The following BMPR1A variants were observed in gnomAD, a reference collection of about 807,000 sequenced individuals.
BMPR1A encodes the protein bone morphogenetic protein receptor type-1A.
Under a neutral mutation model 66.0 loss-of-function variants are expected in BMPR1A, and 7 were observed. The observed-to-expected ratio is 0.11, with a 90% CI of 0.06 to 0.20. The LOEUF (loss-of-function observed/expected upper bound fraction) is 0.20, where lower values mean the gene tolerates loss of function less well. BMPR1A is among the 10% of genes least tolerant of loss of function. The pLI is 1.00. For missense variants in BMPR1A, 408 were observed against 669.1 expected, an observed-to-expected ratio of 0.61 and a Z score of 4.31; for synonymous variants, 200 against 229.7, an observed-to-expected ratio of 0.87 and a Z score of 1.17.
chr10:86,790,235 A>ATATATATC (rs1841595462), intron 1 of BMPR1A, among the ~76,000 whole-genome samples: 1 of 87,766 alleles, frequency 1.1e-5, no homozygotes. Flanking sequence ...ATATATATAT[A>ATATATATC]TCAAAACCAC....
chr10:86,804,792 G>GTTTTTTTTTTTTTTTTTTTTTTTTT (rs5786747), intron 1 of BMPR1A, among the ~76,000 whole-genome samples: 62 of 57,262 alleles, frequency 1.1e-3, no homozygotes, highest in South Asian at 1.5e-3. Context: ...GTTTGTAGGT[G>GTTTTTTTTTTTTTTTTTTTTTTTTT]TTTTTTTTTT....
intron 1 of BMPR1A, among the ~76,000 whole-genome samples, chr10:86,808,401 C>T (rs182691855): frequency 1.2e-4 from 18 of 152,156 alleles, no homozygotes; most frequent in African/African-American, 4.3e-4. Flanking sequence ...ATCATTGATA[C>T]TATTATATTT....
At chr10:86,779,402 C>T (rs1168083682) in intron 1 of BMPR1A, among the ~76,000 whole-genome samples, 1 of 152,108 alleles carries the variant, frequency 6.6e-6, no homozygotes, top group Admixed American at 6.5e-5. Flanking sequence ...GCACTTGTTA[C>T]TTTTTAAATT....
At chr10:86,759,693 A>G (rs1286128661) in intron 1 of BMPR1A, among the ~76,000 whole-genome samples, 2 of 152,200 alleles carry the variant, frequency 1.3e-5, no homozygotes, top group Non-Finnish European at 2.9e-5. Context: ...TCATAAAACG[A>G]GTTGGGCAGC....
chr10:86,849,735 T>C (rs182435783), intron 2 of BMPR1A, among the ~76,000 whole-genome samples: 19 of 152,306 alleles, frequency 1.2e-4, no homozygotes, highest in Non-Finnish European at 2.4e-4. Flanking sequence ...GAAAGTTATT[T>C]TGAGCAGTAT....
At chr10:86,824,097 G>T (rs1449502188) in intron 1 of BMPR1A, among the ~76,000 whole-genome samples, 7 of 151,174 alleles carry the variant, frequency 4.6e-5, no homozygotes, top group Non-Finnish European at 8.8e-5. Context: ...GTGTGTGTGT[G>T]TGTGTGTGTG....
At chr10:86,834,083 G>A (rs1289628023) in intron 1 of BMPR1A, among the ~76,000 whole-genome samples, 1 of 152,090 alleles carries the variant, frequency 6.6e-6, no homozygotes, top group Non-Finnish European at 1.5e-5. Flanking sequence ...TTTTTCATCA[G>A]CCAAGAAAAC....
At chr10:86,831,137 C>A (rs1384067313) in intron 1 of BMPR1A, among the ~76,000 whole-genome samples, 1 of 152,142 alleles carries the variant, frequency 6.6e-6, no homozygotes, top group African/African-American at 2.4e-5. Flanking sequence ...GTCAGCTGAT[C>A]GGCAATTAAG....
At chr10:86,781,752 C>T (rs1020165153) in intron 1 of BMPR1A, among the ~76,000 whole-genome samples, 2 of 151,832 alleles carry the variant, frequency 1.3e-5, no homozygotes, top group African/African-American at 4.8e-5. Flanking sequence ...TTTAAGATAC[C>T]TCATGTAAGT....
chr10:86,865,841 A>C (rs1181049828), intron 2 of BMPR1A, among the ~76,000 whole-genome samples: 1 of 152,200 alleles, frequency 6.6e-6, no homozygotes, highest in Non-Finnish European at 1.5e-5. Context: ...ATATTTTTAG[A>C]TCCTCTTAGG....
At chr10:86,756,209 G>A (rs7070369), upstream of BMPR1A, 43,976 of 151,980 alleles carry the variant, frequency 0.29, 7,637 homozygotes, top group East Asian at 0.69. Flanking sequence ...TGGCCGCAGC[G>A]CCCGGCAGCC....
chr10:86,762,822 C>G (rs1192866809), intron 1 of BMPR1A, among the ~76,000 whole-genome samples: 1 of 152,146 alleles, frequency 6.6e-6, no homozygotes, highest in Non-Finnish European at 1.5e-5. Context: ...GGAAGGCTTT[C>G]CTGAGAAAGG....
chr10:86,779,029 A>G (rs918746491), intron 1 of BMPR1A, among the ~76,000 whole-genome samples: 1 of 151,832 alleles, frequency 6.6e-6, no homozygotes, highest in Non-Finnish European at 1.5e-5. Context: ...CAGCCTGCCA[A>G]AGGGCTGGGA....
intron 1 of BMPR1A, among the ~76,000 whole-genome samples, chr10:86,833,836 G>A (rs1010799320): frequency 6.6e-6 from 1 of 152,164 alleles, no homozygotes; most frequent in Non-Finnish European, 1.5e-5. Context: ...TGAGTTACTT[G>A]TGACAAATTG....
intron 1 of BMPR1A, among the ~76,000 whole-genome samples, chr10:86,781,857 C>CTTTTTT (rs1162095658): frequency 1.0e-3 from 85 of 84,206 alleles, no homozygotes; most frequent in Non-Finnish European, 1.2e-3. Flanking sequence ...GACAGGATTT[C>CTTTTTT]TTTTTTTTTT....
chr10:86,821,508 T>C (rs1466232832), intron 1 of BMPR1A, among the ~76,000 whole-genome samples: 1 of 152,150 alleles, frequency 6.6e-6, no homozygotes, highest in Non-Finnish European at 1.5e-5. Flanking sequence ...TTTTTATTAG[T>C]AGGATTGCTC....
chr10:86,832,439 C>T (rs1489030510), intron 1 of BMPR1A, among the ~76,000 whole-genome samples: 1 of 149,942 alleles, frequency 6.7e-6, no homozygotes, highest in African/African-American at 2.5e-5. Flanking sequence ...GCACTCCAGC[C>T]TGGGCGACAA....
intron 8 of BMPR1A, among the ~76,000 whole-genome samples, chr10:86,914,939 TA>T (rs1352065402): frequency 6.6e-6 from 1 of 152,136 alleles, no homozygotes; most frequent in African/African-American, 2.4e-5. Context: ...ATAATAGACA[TA>T]AACTGGAAAC....
intron 1 of BMPR1A, among the ~76,000 whole-genome samples, chr10:86,802,427 A>G (rs1209957138): frequency 6.6e-6 from 1 of 152,230 alleles, no homozygotes; most frequent in Non-Finnish European, 1.5e-5. Flanking sequence ...GAACTACATT[A>G]GTACTTTTTG....
Sources: gnomAD v4.1 joint callset for allele counts (sites outside exome capture counted in the v4.1 genomes callset) on GRCh38, gnomAD v4.1.1 for gene constraint, MANE v1.5 for transcripts, NCBI Gene and HGNC (gene_info 2026-07-23, HGNC 2026-07-21) for gene names.